Variants in UNC5D observed in about 807,000 individuals in gnomAD.
UNC5D encodes netrin receptor UNC5D.
UNC5D carries 39 observed loss-of-function variants against 105.4 expected under a neutral mutation model. The observed-to-expected ratio is 0.37, with a 90% confidence interval of 0.29 to 0.48. UNC5D has a LOEUF of 0.48. UNC5D is among the 20% of genes least tolerant of loss of function. The pLI, the probability that UNC5D is intolerant of heterozygous loss-of-function variation, is 0.98. For synonymous variants in UNC5D, 452 were observed against 450.4 expected (o/e 1.00, Z -0.04); for missense variants, 991 against 1,202.4 (o/e 0.82, Z 2.60).
At chr8:35,366,242 C>G (rs1236228954) in intron 1 of UNC5D, among the ~76,000 whole-genome samples, 1 of 151,894 alleles carries the variant, frequency 6.6e-6, no homozygotes. Flanking sequence ...TATTTTTTCA[C>G]TGTTTTTCCT....
intron 1 of UNC5D, among the ~76,000 whole-genome samples, chr8:35,277,433 C>T (rs2128844349): frequency 6.6e-6 from 1 of 152,152 alleles, no homozygotes; most frequent in East Asian, 1.9e-4. Flanking sequence ...TTTCTGTGTC[C>T]TCTCTGTTGT....
rs1449340997 is a variant in UNC5D at position 35,791,579 on chromosome 8, T to C, written c.*1016T>C. 6.6e-6 allele frequency: 1 copy of C among 152,208 alleles called. No homozygotes were observed. The highest frequency in any genetic ancestry group is 1.5e-5 in the Non-Finnish European group (1 of 68,032). The allele number at this position is 152,208 out of a possible 1,614,324, so 9.4% of individuals were successfully genotyped here. On this transcript the variant is annotated 3_prime_UTR_variant, in exon 17 of 17. Coordinates refer to ENST00000404895, the MANE Select transcript of UNC5D (RefSeq NM_080872.4). ...TTCAATCCAGATTCTTGAAATTGTCTAACATGTGGGTACTGTGTCATCACA... is the reference window on the plus strand; with the variant it reads ...TTCAATCCAGATTCTTGAAATTGTCCAACATGTGGGTACTGTGTCATCACA...
intron 4 of UNC5D, among the ~76,000 whole-genome samples, chr8:35,660,593 G>A (rs926101633): frequency 6.6e-6 from 1 of 152,188 alleles, no homozygotes; most frequent in East Asian, 1.9e-4. Context: ...TCCACTGGGA[G>A]TTAGCTTATG....
chr8:35,359,572 TATACC>T (rs1048583347), intron 1 of UNC5D, among the ~76,000 whole-genome samples: 3 of 152,216 alleles, frequency 2.0e-5, no homozygotes, highest in African/African-American at 7.2e-5. Context: ...AGTTTCCACT[TATACC>T]ATACATGGAT....
chr8:35,410,008 C>T (rs1338524213), intron 1 of UNC5D, among the ~76,000 whole-genome samples: 3 of 77,390 alleles, frequency 3.9e-5, no homozygotes, highest in Admixed American at 1.3e-4. Flanking sequence ...GAATTTCCTT[C>T]GCATGGCCTC....
At chr8:35,631,019 T>C (rs527918212) in intron 4 of UNC5D, among the ~76,000 whole-genome samples, 127 of 152,324 alleles carry the variant, frequency 8.3e-4, no homozygotes, top group African/African-American at 3.0e-3. Flanking sequence ...GTCTTAAAAA[T>C]CATTTGGCCT....
chr8:35,320,816 T>G (rs1318613709), intron 1 of UNC5D, among the ~76,000 whole-genome samples: 1 of 152,124 alleles, frequency 6.6e-6, no homozygotes, highest in African/African-American at 2.4e-5. Flanking sequence ...GTAATGCCCT[T>G]GGCTGAGGGG....
intron 3 of UNC5D, among the ~76,000 whole-genome samples, chr8:35,577,712 G>A (rs1031597076): frequency 1.3e-5 from 2 of 152,110 alleles, no homozygotes; most frequent in African/African-American, 4.8e-5. Flanking sequence ...CAGGAAAACT[G>A]GATATTTATA....
At chr8:35,788,903 C>T (rs1158270616) in intron 16 of UNC5D, among the ~76,000 whole-genome samples, 1 of 151,486 alleles carries the variant, frequency 6.6e-6, no homozygotes, top group African/African-American at 2.4e-5. Flanking sequence ...TTTCCCGAGA[C>T]AAATCTACCC....
At chr8:35,333,152 A>G (rs1196343958) in intron 1 of UNC5D, among the ~76,000 whole-genome samples, 2 of 152,076 alleles carry the variant, frequency 1.3e-5, no homozygotes, top group African/African-American at 4.8e-5. Flanking sequence ...TGAGCAACAT[A>G]GCAAGACCCC....
chr8:35,492,356 C>T (rs1302216714), intron 1 of UNC5D, among the ~76,000 whole-genome samples: 1 of 151,992 alleles, frequency 6.6e-6, no homozygotes, highest in African/African-American at 2.4e-5. Context: ...GGGTATACTG[C>T]ATCTGTCAGA....
At chr8:35,673,763 C>G (rs1824999409) in intron 4 of UNC5D, among the ~76,000 whole-genome samples, 1 of 152,174 alleles carries the variant, frequency 6.6e-6, no homozygotes, top group Non-Finnish European at 1.5e-5. Flanking sequence ...AATACAGTCA[C>G]AAGAACAGGA....
At chr8:35,644,090 A>C (rs1161372080) in intron 4 of UNC5D, among the ~76,000 whole-genome samples, 1 of 152,164 alleles carries the variant, frequency 6.6e-6, no homozygotes, top group Non-Finnish European at 1.5e-5. Flanking sequence ...TTGTCCTCCT[A>C]CAAAATTCTA....
chr8:35,568,031 C>T (rs1429098767), intron 2 of UNC5D, 67 bp from the exon 3 acceptor site: 53 of 1,582,234 alleles, frequency 3.3e-5, no homozygotes, highest in Non-Finnish European at 7.7e-6. Flanking sequence ...GTTTGGCTAA[C>T]CTTAACTTTC....
At chr8:35,345,023 T>A (rs992482566) in intron 1 of UNC5D, among the ~76,000 whole-genome samples, 1 of 152,044 alleles carries the variant, frequency 6.6e-6, no homozygotes, top group African/African-American at 2.4e-5. Flanking sequence ...CTGTAGTAAA[T>A]GCCAAAAGGA....
intron 16 of UNC5D, among the ~76,000 whole-genome samples, chr8:35,781,495 G>A: frequency 6.6e-6 from 1 of 152,066 alleles, no homozygotes; most frequent in Non-Finnish European, 1.5e-5. Context: ...AACGTTTTCA[G>A]AAAAGACAGG....
At chr8:35,629,314 C>T (rs1312690496) in intron 4 of UNC5D, among the ~76,000 whole-genome samples, 1 of 152,034 alleles carries the variant, frequency 6.6e-6, no homozygotes, top group Non-Finnish European at 1.5e-5. Flanking sequence ...AGCATTTTTT[C>T]ATGTCTTTGT....
chr8:35,510,767 A>G (rs888310113), intron 1 of UNC5D, among the ~76,000 whole-genome samples: 16 of 152,178 alleles, frequency 1.1e-4, no homozygotes, highest in Admixed American at 5.2e-4. Flanking sequence ...TGTCCTGGGT[A>G]GTATACACAA....
chr8:35,530,903 C>T (rs1206970465), intron 1 of UNC5D, among the ~76,000 whole-genome samples: 1 of 139,234 alleles, frequency 7.2e-6, no homozygotes, highest in African/African-American at 3.0e-5. Flanking sequence ...TCCCCTTTAT[C>T]ATTTTTTATT....
Sources: allele counts gnomAD v4.1 joint callset (sites outside exome capture counted in the v4.1 genomes callset), GRCh38; gene constraint gnomAD v4.1.1; transcripts MANE v1.5; gene names NCBI Gene and HGNC (gene_info 2026-07-23, HGNC 2026-07-21).